Variants in DGKB observed in about 807,000 individuals in gnomAD.
DGKB encodes the protein diacylglycerol kinase beta.
Under a neutral mutation model 114.3 loss-of-function variants are expected in DGKB, and 67 were observed. That is an observed-to-expected ratio of 0.59 (90% confidence interval 0.48 to 0.72). The LOEUF (loss-of-function observed/expected upper bound fraction) is 0.72. Among genes scored for constraint, DGKB ranks in the 30% least tolerant of loss-of-function variants. The pLI is 0.00. For synonymous variants in DGKB, 398 were observed against 323.1 expected, an observed-to-expected ratio of 1.23 and a Z score of -2.49; for missense variants, 907 against 975.2, an observed-to-expected ratio of 0.93 and a Z score of 0.93.
At chr7:14,645,365 G>A (rs977083461) in intron 13 of DGKB, among the ~76,000 whole-genome samples, 2 of 152,050 alleles carry the variant, frequency 1.3e-5, no homozygotes, top group East Asian at 3.9e-4. Context: ...CCTGCTTGCT[G>A]AGCTATAGGT....
intron 1 of DGKB, among the ~76,000 whole-genome samples, chr7:14,874,174 T>C (rs1852906727): frequency 6.6e-6 from 1 of 152,106 alleles, no homozygotes; most frequent in African/African-American, 2.4e-5. Flanking sequence ...CTTGAGAAAC[T>C]TGTTTTAAAA....
chr7:14,875,815 T>C (rs1397009745), intron 1 of DGKB, among the ~76,000 whole-genome samples: 1 of 152,120 alleles, frequency 6.6e-6, no homozygotes, highest in Non-Finnish European at 1.5e-5. Context: ...ATGAGGTTTT[T>C]TTTTTGTGAT....
At chr7:14,673,544 G>A (rs1819351210) in intron 12 of DGKB, among the ~76,000 whole-genome samples, 1 of 151,710 alleles carries the variant, frequency 6.6e-6, no homozygotes, top group South Asian at 2.1e-4. Context: ...CTCAGTAGGA[G>A]CAGGATATAA....
At chr7:14,937,070 ACAC>A in intron 1 of DGKB, among the ~76,000 whole-genome samples, 1 of 105,392 alleles carries the variant, frequency 9.5e-6, no homozygotes, top group African/African-American at 3.4e-5. Context: ...ACACACACAC[ACAC>A]ATCTTTTGTT....
At chr7:14,771,412 CT>C (rs1299527350) in intron 2 of DGKB, among the ~76,000 whole-genome samples, 3 of 152,040 alleles carry the variant, frequency 2.0e-5, no homozygotes, top group Admixed American at 6.6e-5. Context: ...CTGACCCTCA[CT>C]TTAGTCTGGG....
intron 22 of DGKB, among the ~76,000 whole-genome samples, chr7:14,342,055 A>C (rs534267601): frequency 1.3e-5 from 2 of 152,002 alleles, no homozygotes; most frequent in South Asian, 4.1e-4. Flanking sequence ...AACTCTGGCT[A>C]TTGCCTCTAA....
intron 4 of DGKB, among the ~76,000 whole-genome samples, chr7:14,738,599 G>A (rs1185310864): frequency 6.6e-6 from 1 of 152,160 alleles, no homozygotes; most frequent in East Asian, 1.9e-4. Flanking sequence ...AACATTGTAT[G>A]TAATTAAATA....
chr7:14,522,015 T>C (rs539457474), intron 20 of DGKB, among the ~76,000 whole-genome samples: 1 of 152,170 alleles, frequency 6.6e-6, no homozygotes, highest in Non-Finnish European at 1.5e-5. Context: ...CTTTTGCTTT[T>C]TCTTATTCTT....
chr7:14,615,221 C>G (rs1466760416), intron 15 of DGKB, among the ~76,000 whole-genome samples: 1 of 151,886 alleles, frequency 6.6e-6, no homozygotes, highest in Non-Finnish European at 1.5e-5. Flanking sequence ...TAAGCATGAG[C>G]AAAGTATTAA....
chr7:14,747,075 G>A (rs1833398165), intron 4 of DGKB, among the ~76,000 whole-genome samples: 1 of 151,954 alleles, frequency 6.6e-6, no homozygotes, highest in Non-Finnish European at 1.5e-5. Context: ...AAGTGTTACT[G>A]ACAATGTAAG....
rs191788763 is a variant in DGKB, at chr7:14,558,726, C to T, written c.1770+15486G>A. Among the ~76,000 whole-genome samples the T allele has an allele frequency of 9.7e-4, 147 of 152,284 alleles. 4 individuals carry two copies. Among genetic ancestry groups the T allele is most frequent in the Admixed American group, 9.6e-3 (147 of 15,286 alleles). On this transcript the variant is annotated intron_variant, in intron 20 of 25. Transcript: ENST00000402815. ...AGATGTCTAAGTGAGAAACTCTACTCACCTGCTCAGCAATTTTATGGCTGT... is the reference window on the plus strand; with the variant it reads ...AGATGTCTAAGTGAGAAACTCTACTTACCTGCTCAGCAATTTTATGGCTGT...
At chr7:14,898,986 A>G (rs1782554660) in intron 1 of DGKB, among the ~76,000 whole-genome samples, 1 of 152,176 alleles carries the variant, frequency 6.6e-6, no homozygotes, top group East Asian at 1.9e-4. Context: ...TCCTTAAAAA[A>G]GAATTTCGGC....
intron 17 of DGKB, among the ~76,000 whole-genome samples, chr7:14,587,654 AAC>A (rs1801001482): frequency 6.6e-6 from 1 of 152,054 alleles, no homozygotes; most frequent in South Asian, 2.1e-4. Context: ...TATTTTAAGA[AAC>A]TACTAGAGCC....
intron 23 of DGKB, among the ~76,000 whole-genome samples, chr7:14,266,568 T>G (rs568660753): frequency 6.6e-6 from 1 of 152,322 alleles, no homozygotes; most frequent in Admixed American, 6.5e-5. Flanking sequence ...CTGTTACAGG[T>G]AAAGAGGCAT....
chr7:14,280,043 C>T (rs1417973433), intron 23 of DGKB, among the ~76,000 whole-genome samples: 1 of 152,046 alleles, frequency 6.6e-6, no homozygotes, highest in Non-Finnish European at 1.5e-5. Flanking sequence ...AAGAAGGCTT[C>T]AGACGATCAA....
At chr7:14,205,771 A>G (rs2128295858) in intron 23 of DGKB, among the ~76,000 whole-genome samples, 1 of 152,066 alleles carries the variant, frequency 6.6e-6, no homozygotes, top group South Asian at 2.1e-4. Context: ...AACTGCTTCT[A>G]TGTTGTACTC....
chr7:14,427,645 C>A (rs140373955), intron 21 of DGKB, among the ~76,000 whole-genome samples: 2,898 of 152,226 alleles, frequency 0.019, 78 homozygotes, highest in African/African-American at 0.066. Context: ...ACAATCATGG[C>A]AGAAGGTGAA....
At chr7:14,649,783 A>G (rs1281259735) in intron 13 of DGKB, among the ~76,000 whole-genome samples, 1 of 142,250 alleles carries the variant, frequency 7.0e-6, no homozygotes, top group Admixed American at 7.2e-5. Context: ...TAGGCTCAAA[A>G]TAAAAGGATG....
chr7:14,550,957 T>A (rs1795018743), intron 20 of DGKB, among the ~76,000 whole-genome samples: 1 of 152,176 alleles, frequency 6.6e-6, no homozygotes, highest in Admixed American at 6.5e-5. Context: ...TTTTAATCAG[T>A]CTGTGAGCAT....
Sources: gnomAD v4.1 joint callset for allele counts (sites outside exome capture counted in the v4.1 genomes callset) on GRCh38, gnomAD v4.1.1 for gene constraint, MANE v1.5 for transcripts, NCBI Gene and HGNC (gene_info 2026-07-23, HGNC 2026-07-21) for gene names.